The following TBRG4 variants were observed in gnomAD, a reference collection of about 807,000 sequenced individuals.
The protein encoded by TBRG4 is FAST kinase domain-containing protein 4.
TBRG4 carries 43 observed loss-of-function variants against 65.6 expected under a neutral mutation model. That is an observed-to-expected ratio of 0.66 (90% CI 0.51 to 0.85). The LOEUF (loss-of-function observed/expected upper bound fraction) is 0.85. Ranked by LOEUF, TBRG4 falls within the 40% of genes least tolerant of loss-of-function variation. The pLI is 0.00. For missense variants in TBRG4, 709 were observed against 787.9 expected, an observed-to-expected ratio of 0.90 and a Z score of 1.20; for synonymous variants, 366 against 341.4, an observed-to-expected ratio of 1.07 and a Z score of -0.79.
rs778462019 is a variant in TBRG4, at chr7:45,105,596, G to A, written c.580C>T (p.Leu194Phe). ...LAFLAESCAT[L>F]SQEQHSQELL... is the part of the protein sequence containing the mutation. ...TCCTGCGAGTGCTGCTCCTGTGAGA[G>A]GGTGGCACAGGACTCTGCCAGGAAG... is the stretch of plus-strand genomic sequence containing the variant. The change falls in exon 3 of 11, where the codon CTC (leucine) becomes TTC (phenylalanine). Residue 194 changes from leucine (L) to phenylalanine (F), a missense_variant. Physicochemically the swap from Leu to Phe is conservative, Grantham distance 22. Coordinates refer to ENST00000258770, the MANE Select transcript of TBRG4 (RefSeq NM_004749.4). 5.0e-6 allele frequency: 8 copies of A among 1,614,046 alleles called. No individual in the cohort carries two copies. The highest frequency in any genetic ancestry group is 6.8e-6 in the Non-Finnish European group (8 of 1,180,050).
At chr7:45,103,511 G>A in intron 5 of TBRG4, 68 bp from the exon 6 acceptor site, 1 of 1,149,398 alleles carries the variant, frequency 8.7e-7, no homozygotes. Flanking sequence ...CTCCTGCCTG[G>A]CTCTGAGTCT....
At chr7:45,102,875 T>C (rs570521039) in intron 6 of TBRG4, among the ~76,000 whole-genome samples, 1 of 152,080 alleles carries the variant, frequency 6.6e-6, no homozygotes, top group African/African-American at 2.4e-5. Context: ...ATCCAAGAGG[T>C]GAAGCAGCAC....
At chr7:45,103,696 A>C (rs901792004) in intron 5 of TBRG4, 7 of 547,434 alleles carry the variant, frequency 1.3e-5, no homozygotes, top group Non-Finnish European at 2.0e-5. Context: ...GGATTTAGAA[A>C]TATTCTCCAA....
rs374539792 is a variant in TBRG4, at chr7:45,105,594, G to A, written c.582C>T (p.Leu194=). 6 of 1,614,188 alleles carry A rather than the reference G, an allele frequency of 3.7e-6. No homozygotes were observed. Among genetic ancestry groups the A allele is most frequent in the Non-Finnish European group, 5.1e-6 (6 of 1,180,048 alleles). The change falls in exon 3 of 11, where the codon CTC becomes CTT. Residue 194 remains leucine, a synonymous_variant. Coordinates refer to ENST00000258770, the MANE Select transcript of TBRG4 (RefSeq NM_004749.4). ...GCTCCTGCGAGTGCTGCTCCTGTGA[G>A]AGGGTGGCACAGGACTCTGCCAGGA... ...LAFLAESCAT[L]SQEQHSQELL...
chr7:45,105,112 C>T (rs1784897092), intron 3 of TBRG4: 2 of 661,848 alleles, frequency 3.0e-6, no homozygotes, highest in African/African-American at 3.5e-5. Context: ...TGGGCAGTAG[C>T]TGTGTTACTT....
Position 45,101,859 on chromosome 7 carries a change from G to T in TBRG4, c.1533C>A (p.Ser511Arg). 2.5e-6 allele frequency: 4 copies of T among 1,608,604 alleles called. No individual in the cohort carries two copies. Among genetic ancestry groups the T allele is most frequent in the Non-Finnish European group, 3.4e-6 (4 of 1,179,466 alleles). The change falls in exon 8 of 11, where the codon AGC becomes AGA. Residue 511 changes from serine to arginine, a missense_variant. Physicochemically the swap from Ser to Arg is moderately radical, Grantham distance 110 (BLOSUM62 -1). Transcript: ENST00000258770. ...KGLLGSADKG[S>R]LEVATQYGWV... ...AGCCATACTGCGTGGCCACCTCGAG[G>T]CTGCCCTTGTCGGCGCTCCCCAGCA... is the stretch of plus-strand genomic sequence containing the variant.
chr7:45,102,409 T>G lies in TBRG4; in HGVS notation c.1259A>C (p.Gln420Pro), dbSNP rs1562934491. 6.2e-7 allele frequency: 1 copy of G among 1,614,026 alleles called. No homozygotes were observed. The highest frequency in any genetic ancestry group is 1.3e-5 in the African/African-American group (1 of 75,078). The change falls in exon 7 of 11, where the codon CAG becomes CCG. Residue 420 changes from glutamine (Q) to proline (P), a missense_variant. Coordinates refer to ENST00000258770, the MANE Select transcript of TBRG4 (RefSeq NM_004749.4). The stretch of plus-strand genomic sequence containing the variant: ...TTGCAGCTCTGCTTCCCGTGCCTGC[T>G]GCAGCACACACAGGGCCCACACCAG... ...VDLVWALCVL[Q>P]QAREAELQAV...
chr7:45,103,194 G>C (rs1784824289), intron 6 of TBRG4, 139 bp downstream of exon 6: 1 of 696,722 alleles, frequency 1.4e-6, no homozygotes, highest in Non-Finnish European at 2.6e-6. Flanking sequence ...GCTCCAATCA[G>C]TTCCCCCTGC....
At position 45,106,017 on chromosome 7, in the gene TBRG4, C is replaced by A. The variant is rs575968749; in HGVS notation, c.412-253G>T. 3 of 702,890 alleles carry A rather than the reference C, an allele frequency of 4.3e-6. No individual in the cohort carries two copies. In the East Asian group the frequency reaches 8.4e-5, roughly 20 times the overall value. The allele number at this position is 702,890 out of a possible 1,614,324, so 43.5% of individuals were successfully genotyped here. On this transcript the variant is annotated intron_variant, in intron 2 of 10. Coordinates refer to ENST00000258770, the MANE Select transcript of TBRG4 (RefSeq NM_004749.4). The stretch of plus-strand genomic sequence containing the variant: ...CTGAGCCTGGGACACAGTAACAGGG[C>A]CTGTGAGTCACTGTTTCTGTGGCAG...
intron 4 of TBRG4, 60 bp from the exon 5 acceptor site, chr7:45,104,316 TC>T: frequency 6.2e-7 from 1 of 1,610,054 alleles, no homozygotes; most frequent in Non-Finnish European, 8.5e-7. Flanking sequence ...ACCCAGCAGC[TC>T]CACCCCACCT....
chr7:45,104,732 G>C, intron 3 of TBRG4, 23 bp from the exon 4 acceptor site: 1 of 1,609,986 alleles, frequency 6.2e-7, no homozygotes, highest in South Asian at 1.1e-5. Flanking sequence ...GCCGCGCAGA[G>C]GTCAGCTCAA....
intron 1 of TBRG4, among the ~76,000 whole-genome samples, chr7:45,109,594 G>A (rs1187173723): frequency 6.6e-6 from 1 of 152,024 alleles, no homozygotes; most frequent in Non-Finnish European, 1.5e-5. Flanking sequence ...CCTGCCCAAG[G>A]CCTCCTAAAT....
In TBRG4 at chr7:45,111,658, G is replaced by T. The variant is rs1013396252; in HGVS notation, c.-66C>A. On this transcript the variant is annotated 5_prime_UTR_variant, in exon 1 of 11. Coordinates refer to ENST00000258770, the MANE Select transcript of TBRG4 (RefSeq NM_004749.4). ...CAAGACCTACGCAGCGAGCACCACC[G>T]CTGACCTCCATCCGCCGCCCTAACT... 7.8e-7 allele frequency: 1 copy of T among 1,289,274 alleles called. No homozygotes were observed. Among genetic ancestry groups the T allele is most frequent in the Admixed American group, 2.3e-5 (1 of 43,530 alleles). 79.9% of individuals were successfully genotyped at this position (1,289,274 alleles called of 1,614,324 possible).
chr7:45,109,109 G>A lies in TBRG4; in HGVS notation c.129C>T (p.Ala43=), dbSNP rs1785045425. ...WVAHKTLTSS[A]TSPISHLPGS... The stretch of plus-strand genomic sequence containing the variant: ...CTGGGAGGTGGGAAATGGGTGAGGT[G>A]GCTGAGGAAGTCAGAGTCTTATGGG... The change falls in exon 2 of 11, where the codon GCC becomes GCT. Residue 43 remains alanine (A), a synonymous_variant. Transcript: ENST00000258770. 4 of 1,614,196 alleles carry A rather than the reference G, an allele frequency of 2.5e-6. No individual in the cohort carries two copies. The highest frequency in any genetic ancestry group is 3.4e-6 in the Non-Finnish European group (4 of 1,180,032).
In TBRG4 at chr7:45,100,289, G is replaced by A. The variant is rs571527167; in HGVS notation, c.*36C>T. On this transcript the variant is annotated 3_prime_UTR_variant, in exon 11 of 11. Transcript: ENST00000258770. ...CTTGGCCGCCCACAGCTAGACCTCC[G>A]GCGGAGAGGCACGCAGTCCATGCTG... 30 of 1,584,698 alleles carry A rather than the reference G, an allele frequency of 1.9e-5. No homozygotes were observed. Among genetic ancestry groups the A allele is most frequent in the South Asian group, 1.8e-4 (16 of 89,754 alleles).
In TBRG4 at chr7:45,100,107, G is replaced by C; in HGVS notation, c.*218C>G. 1 of 525,318 alleles carries C rather than the reference G, an allele frequency of 1.9e-6. No individual in the cohort carries two copies. The highest frequency in any genetic ancestry group is 2.5e-5 in the South Asian group (1 of 40,020). 32.5% of individuals were successfully genotyped at this position (525,318 alleles called of 1,614,324 possible). ...AAGCAGACAGACAAGTGCTGACAGT[G>C]CAGAGGGTGACCAAGCCTGGGAAGG... On this transcript the variant is annotated 3_prime_UTR_variant, in exon 11 of 11. Transcript: ENST00000258770.
chr7:45,103,888 G>A (rs994539352), intron 5 of TBRG4: 1 of 674,918 alleles, frequency 1.5e-6, no homozygotes, highest in African/African-American at 1.8e-5. Flanking sequence ...CACTTATAAT[G>A]GTCAGTGAAA....
chr7:45,107,852 C>A (rs1251501181), intron 2 of TBRG4: 2 of 152,694 alleles, frequency 1.3e-5, no homozygotes, highest in African/African-American at 4.9e-5. Context: ...GGGGGCCTAA[C>A]TAAGTTCATT....
chr7:45,103,863 C>G (rs1023757476), intron 5 of TBRG4: 1 of 606,426 alleles, frequency 1.6e-6, no homozygotes, highest in Non-Finnish European at 2.8e-6. Flanking sequence ...ACAGCTACCC[C>G]AAAATGGATG....
Sources: gnomAD v4.1 joint callset for allele counts (sites outside exome capture counted in the v4.1 genomes callset) on GRCh38, gnomAD v4.1.1 for gene constraint, MANE v1.5 for transcripts, NCBI Gene and HGNC (gene_info 2026-07-23, HGNC 2026-07-21) for gene names.